The following RAB5B variants were observed in gnomAD, a reference collection of about 807,000 sequenced individuals.
The protein encoded by RAB5B is ras-related protein Rab-5B.
In RAB5B, 11 loss-of-function variants were observed where a neutral mutation model predicts 28.6. The observed-to-expected ratio is 0.38, with a 90% CI of 0.24 to 0.64. The LOEUF (loss-of-function observed/expected upper bound fraction) is 0.64, where lower values mean the gene tolerates loss of function less well. Ranked by LOEUF, RAB5B falls within the 30% of genes least tolerant of loss-of-function variation. The probability of loss-of-function intolerance (pLI) is 0.53; values close to 1 mark genes in which losing one functional copy is unlikely to be tolerated. For synonymous variants in RAB5B, 93 were observed against 97.9 expected, an observed-to-expected ratio of 0.95 and a Z score of 0.29; for missense variants, 169 against 265.6, an observed-to-expected ratio of 0.64 and a Z score of 2.53.
chr12:55,981,779 A>G (rs1366234416), intron 1 of RAB5B, among the ~76,000 whole-genome samples: 1 of 150,622 alleles, frequency 6.6e-6, no homozygotes, highest in African/African-American at 2.4e-5. Flanking sequence ...GGGTCATTTT[A>G]TAAGTCATTC....
intron 2 of RAB5B, among the ~76,000 whole-genome samples, 199 bp downstream of exon 2, chr12:55,987,322 G>A (rs1415377796): frequency 6.6e-6 from 1 of 151,926 alleles, no homozygotes; most frequent in Non-Finnish European, 1.5e-5. Context: ...CGTGGCACCT[G>A]TCTAATTTTT....
chr12:55,980,564 T>C (rs1889774979), intron 1 of RAB5B: 5 of 1,596,100 alleles, frequency 3.1e-6, no homozygotes, highest in Non-Finnish European at 4.3e-6. Context: ...CTCATCCACA[T>C]TCATACTGGA....
rs553961820 is a variant in RAB5B at position 55,980,345 on chromosome 12, A to G, written c.-93+6206A>G. 3.2e-4 allele frequency: 376 copies of G among 1,176,130 alleles called. 1 individual carries two copies. In the African/African-American group the frequency reaches 4.3e-3, roughly 14 times the overall value. The allele number at this position is 1,176,130 out of a possible 1,614,324, so 72.9% of individuals were successfully genotyped here. On this transcript the variant is annotated intron_variant, in intron 1 of 5. Transcript: ENST00000360299. Reference sequence around the variant, plus strand: ...ATGTGTCCCTCCAAGCCCCTCTGCTATTTCTCCCCTGCTCACTCCCTCTGC... The same window carrying G: ...ATGTGTCCCTCCAAGCCCCTCTGCTGTTTCTCCCCTGCTCACTCCCTCTGC...
chr12:55,981,598 G>T (rs1236833234), intron 1 of RAB5B, among the ~76,000 whole-genome samples: 2 of 151,916 alleles, frequency 1.3e-5, no homozygotes, highest in Non-Finnish European at 2.9e-5. Context: ...AAGTGGAAGG[G>T]GGCTTGAGGA....
At chr12:55,987,508 G>A (rs981196201) in intron 2 of RAB5B, among the ~76,000 whole-genome samples, 1 of 152,010 alleles carries the variant, frequency 6.6e-6, no homozygotes, top group Non-Finnish European at 1.5e-5. Context: ...TATGGAGCTG[G>A]CCCTCTTAGT....
chr12:55,982,177 G>GCCCCATCT (rs1378979225), intron 1 of RAB5B, among the ~76,000 whole-genome samples: 1 of 149,370 alleles, frequency 6.7e-6, no homozygotes, highest in East Asian at 2.0e-4. Flanking sequence ...AGAGAAACCT[G>GCCCCATCT]CCCCATCTCC....
At position 55,992,949 on chromosome 12, in the gene RAB5B, A is replaced by G. The variant is rs1412337755; in HGVS notation, c.*737A>G. 2 of 205,642 alleles carry G rather than the reference A, an allele frequency of 9.7e-6. No homozygotes were observed. 12.7% of individuals were successfully genotyped at this position (205,642 alleles called of 1,614,324 possible). On this transcript the variant is annotated 3_prime_UTR_variant, in exon 6 of 6. Coordinates refer to ENST00000360299, the MANE Select transcript of RAB5B (RefSeq NM_002868.4). ...TGGCTCTGTAACTCTTCAAAGGCCC[A>G]GTTTCCCCTCACGCAGCCTCTTAGG...
rs1890284012 is a variant in RAB5B at position 55,995,987 on chromosome 12, A to ATTTTTTT, written c.*3776_*3777insTTTTTTT. The ATTTTTTT allele has an allele frequency of 1.0e-5, 1 of 99,420 alleles. No individual in the cohort carries two copies. The highest frequency in any genetic ancestry group is 5.3e-5 in the African/African-American group (1 of 18,968). The allele number at this position is 99,420 out of a possible 1,614,324, so 6.2% of individuals were successfully genotyped here. ...TCTCTCTCTCCATATATATATACATATATATATATATATATATTTTTTTTT... is the reference window on the plus strand; with the variant it reads ...TCTCTCTCTCCATATATATATACATATTTTTTTTATATATATATATATATTTTTTTTT... On this transcript the variant is annotated 3_prime_UTR_variant, in exon 6 of 6. Transcript: ENST00000360299.
intron 2 of RAB5B, among the ~76,000 whole-genome samples, chr12:55,988,344 A>G (rs1002985066): frequency 1.3e-5 from 2 of 152,160 alleles, no homozygotes; most frequent in Admixed American, 6.5e-5. Flanking sequence ...ACAAAAAAAA[A>G]TCTGGTAAAA....
intron 1 of RAB5B, among the ~76,000 whole-genome samples, chr12:55,979,191 T>C (rs1382512712): frequency 6.6e-6 from 1 of 152,106 alleles, no homozygotes. Context: ...TCTTATGAGA[T>C]ATATAGAATT....
In RAB5B at chr12:55,995,820, T is replaced by TGACA. The variant is rs1890272069; in HGVS notation, c.*3609_*3612dup. ...AGTATGTGTGTCACACAAAAGTAGATGACACTATTAGGAAGGAGGCTTTTA... is the reference window on the plus strand; with the variant it reads ...AGTATGTGTGTCACACAAAAGTAGATGACAGACACTATTAGGAAGGAGGCTTTTA... On this transcript the variant is annotated 3_prime_UTR_variant, in exon 6 of 6. Transcript: ENST00000360299. The TGACA allele has an allele frequency of 6.6e-6, 1 of 151,468 alleles. No individual in the cohort carries two copies. The highest frequency in any genetic ancestry group is 6.6e-5 in the Admixed American group (1 of 15,202). 9.4% of individuals were successfully genotyped at this position (151,468 alleles called of 1,614,324 possible).
intron 1 of RAB5B, among the ~76,000 whole-genome samples, chr12:55,975,790 CTTTT>C (rs1163535431): frequency 1.7e-5 from 2 of 115,140 alleles, no homozygotes; most frequent in African/African-American, 7.0e-5. Flanking sequence ...CACTACATTT[CTTTT>C]TTTTTTTTTT....
chr12:55,982,739 GAGTT>G (rs1186861539), intron 1 of RAB5B, among the ~76,000 whole-genome samples: 1 of 152,162 alleles, frequency 6.6e-6, no homozygotes, highest in East Asian at 1.9e-4. Flanking sequence ...CCATCTCTGA[GAGTT>G]AGTGACAGAG....
In RAB5B at chr12:55,992,935, C is replaced by T. The variant is rs1890179545; in HGVS notation, c.*723C>T. On this transcript the variant is annotated 3_prime_UTR_variant, in exon 6 of 6. Transcript: ENST00000360299. ...TGCAGTGTCAACTGTGGCTCTGTAA[C>T]TCTTCAAAGGCCCAGTTTCCCCTCA... 4.6e-6 allele frequency: 1 copy of T among 217,100 alleles called. No homozygotes were observed. 13.4% of individuals were successfully genotyped at this position (217,100 alleles called of 1,614,324 possible).
intron 1 of RAB5B, among the ~76,000 whole-genome samples, chr12:55,976,131 A>G (rs1006709533): frequency 6.6e-5 from 10 of 152,152 alleles, no homozygotes; most frequent in Non-Finnish European, 1.2e-4. Context: ...AGAAGTATAA[A>G]TCCTCCCACA....
intron 1 of RAB5B, among the ~76,000 whole-genome samples, chr12:55,984,238 G>A (rs564045210): frequency 6.6e-6 from 1 of 151,392 alleles, no homozygotes; most frequent in African/African-American, 2.4e-5. Context: ...TCGCCAGGCT[G>A]GAGTACAGTG....
At chr12:55,981,079 T>C (rs1889793843) in intron 1 of RAB5B, 1 of 1,549,074 alleles carries the variant, frequency 6.5e-7, no homozygotes, top group Non-Finnish European at 8.9e-7. Context: ...TATTTATTTA[T>C]TTTTGAGACG....
intron 2 of RAB5B, among the ~76,000 whole-genome samples, chr12:55,988,728 C>T (rs1360907186): frequency 6.6e-6 from 1 of 151,866 alleles, no homozygotes; most frequent in Non-Finnish European, 1.5e-5. Context: ...GTCTCAAACT[C>T]CTGACTTCAA....
chr12:55,980,495 T>C (rs1379808328), intron 1 of RAB5B: 2 of 1,590,734 alleles, frequency 1.3e-6, no homozygotes, highest in African/African-American at 2.7e-5. Flanking sequence ...CTTGTTGCCG[T>C]TTCCTGATCT....
Sources: allele counts gnomAD v4.1 joint callset (sites outside exome capture counted in the v4.1 genomes callset), GRCh38; gene constraint gnomAD v4.1.1; transcripts MANE v1.5; gene names NCBI Gene and HGNC (gene_info 2026-07-23, HGNC 2026-07-21).